Variants in GSK3B observed in about 807,000 individuals in gnomAD.
GSK3B encodes glycogen synthase kinase-3 beta.
GSK3B carries 15 observed loss-of-function variants against 56.4 expected under a neutral mutation model. That is an observed-to-expected ratio of 0.27 (90% CI 0.18 to 0.41). The LOEUF is 0.41. Ranked by LOEUF, GSK3B falls within the 10% of genes least tolerant of loss-of-function variation. The pLI is 1.00. For synonymous variants in GSK3B, 181 were observed against 188.9 expected (o/e 0.96, Z 0.34); for missense variants, 300 against 513.4 (o/e 0.58, Z 4.02).
chr3:119,895,301 T>C (rs1352877086), intron 7 of GSK3B, among the ~76,000 whole-genome samples: 3 of 152,168 alleles, frequency 2.0e-5, no homozygotes, highest in Non-Finnish European at 4.4e-5. Flanking sequence ...AGTGGATATA[T>C]ATATACCATA....
intron 2 of GSK3B, among the ~76,000 whole-genome samples, chr3:119,986,559 G>A (rs749670052): frequency 5.3e-5 from 8 of 151,528 alleles, no homozygotes; most frequent in Admixed American, 1.3e-4. Context: ...AGACATCTAT[G>A]CAGCCAACAG....
At chr3:119,981,521 A>G (rs540770922) in intron 2 of GSK3B, among the ~76,000 whole-genome samples, 1 of 152,296 alleles carries the variant, frequency 6.6e-6, no homozygotes, top group Admixed American at 6.5e-5. Context: ...AGGTCTTAGC[A>G]CCCGCTGACA....
intron 1 of GSK3B, among the ~76,000 whole-genome samples, chr3:120,083,459 G>T (rs1370358175): frequency 6.6e-6 from 1 of 151,992 alleles, no homozygotes; most frequent in Non-Finnish European, 1.5e-5. Flanking sequence ...TGATAAATTG[G>T]TACATTTGGG....
At chr3:119,872,086 C>T (rs1041770013) in intron 8 of GSK3B, among the ~76,000 whole-genome samples, 1 of 152,062 alleles carries the variant, frequency 6.6e-6, no homozygotes, top group Non-Finnish European at 1.5e-5. Context: ...GGCGGGAAGG[C>T]ACCTCATACA....
At chr3:120,056,826 G>A (rs1032373156) in intron 1 of GSK3B, among the ~76,000 whole-genome samples, 2 of 152,138 alleles carry the variant, frequency 1.3e-5, no homozygotes, top group African/African-American at 4.8e-5. Context: ...TAATACACAA[G>A]GGGCCAATAT....
chr3:119,843,417 T>C (rs2055807832), intron 9 of GSK3B, 64 bp from the exon 10 acceptor site: 2 of 870,446 alleles, frequency 2.3e-6, no homozygotes, highest in African/African-American at 1.7e-5. Flanking sequence ...AACTATTTTA[T>C]TGGTAAGAGT....
intron 1 of GSK3B, among the ~76,000 whole-genome samples, chr3:120,058,480 T>C (rs1433978745): frequency 3.3e-5 from 5 of 152,100 alleles, no homozygotes; most frequent in Non-Finnish European, 1.5e-5. Flanking sequence ...GGTGGAGTTA[T>C]AGAGTCTCCT....
rs146017058 is a variant in GSK3B, at chr3:119,969,578, T to A, written c.283-22227A>T. Among the ~76,000 whole-genome samples the A allele has an allele frequency of 2.6e-5, 4 of 152,318 alleles. No homozygotes were observed. The East Asian group carries it at 7.7e-4, about 29-fold the overall frequency. On this transcript the variant is annotated intron_variant, in intron 2 of 10. Transcript: ENST00000264235. ...CAACAGTCAGCCGAATGACAGTACC[T>A]GACTTCAAGGCTTTCTATAAAGCTA...
At chr3:120,077,753 G>T (rs2058379746) in intron 1 of GSK3B, among the ~76,000 whole-genome samples, 1 of 151,946 alleles carries the variant, frequency 6.6e-6, no homozygotes, top group South Asian at 2.1e-4. Flanking sequence ...ACATCATGTT[G>T]TATATCTTAA....
At chr3:120,043,314 A>C (rs2058078219) in intron 1 of GSK3B, among the ~76,000 whole-genome samples, 1 of 152,126 alleles carries the variant, frequency 6.6e-6, no homozygotes, top group Non-Finnish European at 1.5e-5. Context: ...AAAGCTACAA[A>C]AAGTTTAACT....
intron 9 of GSK3B, among the ~76,000 whole-genome samples, chr3:119,860,841 T>C (rs1423604168): frequency 6.6e-6 from 1 of 152,216 alleles, no homozygotes; most frequent in Admixed American, 6.5e-5. Flanking sequence ...GAGCACCTAC[T>C]ATATGTACTT....
At chr3:119,876,365 GT>G in intron 8 of GSK3B, 47 bp downstream of exon 8, 2 of 966,782 alleles carry the variant, frequency 2.1e-6, no homozygotes, top group Non-Finnish European at 3.3e-6. Context: ...TGAGAAACCT[GT>G]TTTAGTTAAC....
chr3:120,033,106 CT>C (rs2057991974), intron 1 of GSK3B, among the ~76,000 whole-genome samples: 1 of 152,170 alleles, frequency 6.6e-6, no homozygotes, highest in Non-Finnish European at 1.5e-5. Context: ...TCATATGATA[CT>C]TGGTCTTTTG....
chr3:120,068,779 C>A (rs745928715), intron 1 of GSK3B, among the ~76,000 whole-genome samples: 1 of 149,914 alleles, frequency 6.7e-6, no homozygotes, highest in Admixed American at 6.7e-5. Context: ...TATGATTGAC[C>A]ATGTAATTAT....
chr3:119,877,875 G>GAAC (rs1302192032), intron 7 of GSK3B, among the ~76,000 whole-genome samples: 1 of 152,116 alleles, frequency 6.6e-6, no homozygotes, highest in African/African-American at 2.4e-5. Context: ...TGAGGACTTT[G>GAAC]AAGAGAAATA....
chr3:119,832,773 A>G (rs1228672104), intron 10 of GSK3B, among the ~76,000 whole-genome samples: 1 of 152,250 alleles, frequency 6.6e-6, no homozygotes, highest in East Asian at 1.9e-4. Context: ...GTGTGACATA[A>G]GAGGTAAAAC....
intron 7 of GSK3B, among the ~76,000 whole-genome samples, chr3:119,894,761 C>T (rs1031349037): frequency 6.6e-6 from 1 of 152,010 alleles, no homozygotes; most frequent in African/African-American, 2.4e-5. Context: ...CAATTTACTT[C>T]TATTTTCTTT....
At chr3:120,006,800 C>A (rs968680096) in intron 1 of GSK3B, among the ~76,000 whole-genome samples, 25 of 152,090 alleles carry the variant, frequency 1.6e-4, no homozygotes, top group African/African-American at 2.9e-4. Flanking sequence ...TAAATGCCCA[C>A]AAGAGAAAGC....
intron 1 of GSK3B, among the ~76,000 whole-genome samples, chr3:120,045,766 A>G (rs1026849629): frequency 3.9e-5 from 6 of 152,198 alleles, no homozygotes; most frequent in African/African-American, 1.4e-4. Flanking sequence ...ATGTCTACAC[A>G]AAAAAGTGAA....
Sources: allele counts gnomAD v4.1 joint callset (sites outside exome capture counted in the v4.1 genomes callset), GRCh38; gene constraint gnomAD v4.1.1; transcripts MANE v1.5; gene names NCBI Gene and HGNC (gene_info 2026-07-23, HGNC 2026-07-21).